The following DOCK10 variants were observed in gnomAD, a reference collection of about 807,000 sequenced individuals.
DOCK10 encodes the protein dedicator of cytokinesis protein 10.
DOCK10 carries 145 observed loss-of-function variants against 280.1 expected under a neutral mutation model. That is an observed-to-expected ratio of 0.52 (90% CI 0.45 to 0.59). DOCK10 has a LOEUF of 0.59. Ranked by LOEUF, DOCK10 falls within the 20% of genes least tolerant of loss-of-function variation. The pLI is 0.00. For missense variants in DOCK10, 2,368 were observed against 2,651.7 expected, an observed-to-expected ratio of 0.89 and a Z score of 2.35; for synonymous variants, 915 against 942.2, an observed-to-expected ratio of 0.97 and a Z score of 0.53.
intron 22 of DOCK10, among the ~76,000 whole-genome samples, chr2:224,844,030 G>A (rs577809004): frequency 6.6e-6 from 1 of 152,332 alleles, no homozygotes; most frequent in Admixed American, 6.5e-5. Context: ...GCTCTCAAAT[G>A]CAGTTCTGCC....
At chr2:224,852,788 G>A in intron 17 of DOCK10, 147 bp downstream of exon 17, 5 of 611,088 alleles carry the variant, frequency 8.2e-6, no homozygotes, top group Middle Eastern at 9.1e-4. Context: ...AAACTCATCA[G>A]TGCCTCTTAC....
chr2:224,813,155 G>A (rs142497911), intron 31 of DOCK10, among the ~76,000 whole-genome samples: 184 of 152,108 alleles, frequency 1.2e-3, no homozygotes, highest in Non-Finnish European at 2.1e-3. Context: ...ATTTCACAAC[G>A]CATACATATA....
chr2:225,032,335 T>C (rs1414611820), intron 1 of DOCK10, among the ~76,000 whole-genome samples: 1 of 152,140 alleles, frequency 6.6e-6, no homozygotes, highest in Non-Finnish European at 1.5e-5. Flanking sequence ...AGCCATATAA[T>C]GGCTTCTGAC....
At chr2:224,887,192 T>G in intron 4 of DOCK10, among the ~76,000 whole-genome samples, 1 of 152,156 alleles carries the variant, frequency 6.6e-6, no homozygotes, top group Non-Finnish European at 1.5e-5. Context: ...TAATAAGTAG[T>G]GATATTTTCA....
intron 7 of DOCK10, among the ~76,000 whole-genome samples, chr2:224,884,141 A>G (rs1699137655): frequency 6.6e-6 from 1 of 152,218 alleles, no homozygotes. Flanking sequence ...AAATGCAATT[A>G]TCTTTCACTT....
chr2:224,985,738 G>A (rs1424239319), intron 1 of DOCK10, among the ~76,000 whole-genome samples: 3 of 152,090 alleles, frequency 2.0e-5, no homozygotes, highest in Non-Finnish European at 4.4e-5. Context: ...CTACCCAGCT[G>A]TAGACTGCCC....
At chr2:225,011,768 C>T (rs1397670872) in intron 1 of DOCK10, among the ~76,000 whole-genome samples, 1 of 152,078 alleles carries the variant, frequency 6.6e-6, no homozygotes, top group Non-Finnish European at 1.5e-5. Flanking sequence ...TTGCCACAGG[C>T]ATTATAAAAT....
chr2:225,016,648 CATAGAT>C, intron 1 of DOCK10, among the ~76,000 whole-genome samples: 1 of 5,926 alleles, frequency 1.7e-4, no homozygotes, highest in African/African-American at 8.2e-4. Context: ...TCTATGTGCA[CATAGAT>C]ACATAGATAC....
intron 1 of DOCK10, among the ~76,000 whole-genome samples, chr2:224,962,161 AT>A (rs1704487226): frequency 6.6e-6 from 1 of 152,098 alleles, no homozygotes. Flanking sequence ...ACCAGGAATC[AT>A]TTTTTCATAG....
chr2:224,818,733 G>A (rs1694315634), intron 29 of DOCK10, among the ~76,000 whole-genome samples: 1 of 152,136 alleles, frequency 6.6e-6, no homozygotes, highest in South Asian at 2.1e-4. Flanking sequence ...TTCTGCAGCT[G>A]CTTCATCAAT....
chr2:225,024,425 A>G (rs916414098), intron 1 of DOCK10, among the ~76,000 whole-genome samples: 2 of 152,222 alleles, frequency 1.3e-5, no homozygotes, highest in Non-Finnish European at 2.9e-5. Flanking sequence ...TATTCTTTGT[A>G]TGTGTAGAGA....
intron 4 of DOCK10, among the ~76,000 whole-genome samples, chr2:224,890,483 T>G (rs1699594186): frequency 6.6e-6 from 1 of 152,210 alleles, no homozygotes; most frequent in South Asian, 2.1e-4. Flanking sequence ...ACTATAAATT[T>G]CACAAAAAAG....
At chr2:224,928,889 C>A (rs537878594) in intron 2 of DOCK10, among the ~76,000 whole-genome samples, 1 of 152,336 alleles carries the variant, frequency 6.6e-6, no homozygotes, top group East Asian at 1.9e-4. Flanking sequence ...TGAAACACTC[C>A]TGTGACTTGC....
At chr2:224,993,041 A>C (rs1706171480) in intron 1 of DOCK10, among the ~76,000 whole-genome samples, 1 of 152,148 alleles carries the variant, frequency 6.6e-6, no homozygotes. Flanking sequence ...GCACTGAAAA[A>C]TGAGGTGTAA....
At chr2:224,795,150 A>G in intron 44 of DOCK10, 56 bp from the exon 45 acceptor site, 2 of 1,497,462 alleles carry the variant, frequency 1.3e-6, no homozygotes, top group Non-Finnish European at 1.8e-6. Flanking sequence ...AGGTTAACTG[A>G]CTTTAAGTTA....
rs895727375 is a variant in DOCK10 at position 224,839,334 on chromosome 2, C to T, written c.2780+620G>A. On this transcript the variant is annotated intron_variant, in intron 24 of 55. Transcript: ENST00000258390. ...ATGTTAGGCAGGATGGTCTCGATCT[C>T]CTGTCCTTGTGATCCACCGGCCTCG... Among the ~76,000 whole-genome samples the T allele has an allele frequency of 5.4e-4, 81 of 151,258 alleles. 1 individual carries two copies. Among genetic ancestry groups the T allele is most frequent in the African/African-American group, 1.9e-3 (79 of 41,078 alleles).
At chr2:225,004,399 C>T (rs545977081) in intron 1 of DOCK10, among the ~76,000 whole-genome samples, 1 of 152,278 alleles carries the variant, frequency 6.6e-6, no homozygotes, top group African/African-American at 2.4e-5. Flanking sequence ...AGGATTTGCC[C>T]CTAGAACTTT....
chr2:224,934,007 G>A (rs967888828), intron 1 of DOCK10, among the ~76,000 whole-genome samples: 1 of 152,006 alleles, frequency 6.6e-6, no homozygotes, highest in African/African-American at 2.4e-5. Context: ...AGTACAATAG[G>A]CAAATCAGAG....
At chr2:224,939,862 T>C (rs1253195754) in intron 1 of DOCK10, among the ~76,000 whole-genome samples, 4 of 152,248 alleles carry the variant, frequency 2.6e-5, no homozygotes, top group African/African-American at 9.6e-5. Context: ...CAGACCATTC[T>C]TTTATTTCCT....
Sources: gnomAD v4.1 joint callset for allele counts (sites outside exome capture counted in the v4.1 genomes callset) on GRCh38, gnomAD v4.1.1 for gene constraint, MANE v1.5 for transcripts, NCBI Gene and HGNC (gene_info 2026-07-23, HGNC 2026-07-21) for gene names.